Variants in CCDC172 observed in about 807,000 individuals in gnomAD.
CCDC172 encodes coiled-coil domain-containing protein 172.
In CCDC172, 30 loss-of-function variants were observed where a neutral mutation model predicts 38.0. The ratio of observed to expected loss-of-function variants is 0.79; its 90% CI spans 0.59 to 1.07. The LOEUF is 1.07. CCDC172 is among the 50% of genes least tolerant of loss of function. The probability of loss-of-function intolerance (pLI) is 0.00; values close to 1 mark genes in which losing one functional copy is unlikely to be tolerated. For synonymous variants in CCDC172, 78 were observed against 88.3 expected (o/e 0.88, Z 0.66); for missense variants, 297 against 290.1 (o/e 1.02, Z -0.17).
chr10:116,332,007 A>G (rs1228338787), intron 3 of CCDC172, among the ~76,000 whole-genome samples: 2 of 152,172 alleles, frequency 1.3e-5, no homozygotes, highest in Non-Finnish European at 2.9e-5. Context: ...TTTTTTATCC[A>G]TCTTTCGTAA....
intron 5 of CCDC172, among the ~76,000 whole-genome samples, chr10:116,347,767 A>T (rs1844884811): frequency 6.6e-6 from 1 of 152,172 alleles, no homozygotes; most frequent in African/African-American, 2.4e-5. Context: ...AAACAAAGAC[A>T]AAATTGTCAT....
At chr10:116,377,226 A>T (rs1337244028) in intron 7 of CCDC172, among the ~76,000 whole-genome samples, 2 of 152,172 alleles carry the variant, frequency 1.3e-5, no homozygotes, top group Non-Finnish European at 2.9e-5. Context: ...TTCTAGAATC[A>T]TTTCAAAATT....
intron 5 of CCDC172, among the ~76,000 whole-genome samples, chr10:116,356,231 G>T (rs987635516): frequency 4.6e-5 from 7 of 152,034 alleles, no homozygotes; most frequent in African/African-American, 1.7e-4. Context: ...TTAGGAGGCT[G>T]AGGCAGGAGA....
At chr10:116,330,612 G>A (rs1033150286) in intron 3 of CCDC172, among the ~76,000 whole-genome samples, 1 of 150,590 alleles carries the variant, frequency 6.6e-6, no homozygotes, top group African/African-American at 2.5e-5. Context: ...AGAAGAATAT[G>A]CACAATCATT....
At chr10:116,366,242 T>C (rs941895022) in intron 7 of CCDC172, among the ~76,000 whole-genome samples, 1 of 152,172 alleles carries the variant, frequency 6.6e-6, no homozygotes, top group Non-Finnish European at 1.5e-5. Context: ...TACCGATAAC[T>C]TGCATTAGCT....
rs1245721464 is a variant in CCDC172 at position 116,324,608 on chromosome 10, G to C, written c.-71G>C. On this transcript the variant is annotated 5_prime_UTR_variant, in exon 1 of 9. Coordinates refer to ENST00000333254, the MANE Select transcript of CCDC172 (RefSeq NM_198515.3). ...GGCTGCTGCCCAGACGCCCTCAAAAGCCAAGGTCTTGGCAGCCTTTTTATT... is the reference window on the plus strand; with the variant it reads ...GGCTGCTGCCCAGACGCCCTCAAAACCCAAGGTCTTGGCAGCCTTTTTATT... 2.3e-5 allele frequency: 4 copies of C among 171,640 alleles called. No individual in the cohort carries two copies. Among genetic ancestry groups the C allele is most frequent in the Non-Finnish European group, 5.0e-5 (4 of 80,458 alleles). 10.6% of individuals were successfully genotyped at this position (171,640 alleles called of 1,614,324 possible). A position where few individuals can be genotyped will look rare whatever the true frequency, so the allele number is the denominator to read the frequency against.
At chr10:116,364,537 A>C (rs566295264) in intron 7 of CCDC172, among the ~76,000 whole-genome samples, 10 of 152,252 alleles carry the variant, frequency 6.6e-5, no homozygotes, top group Non-Finnish European at 1.5e-4. Context: ...TAAAAAAAAA[A>C]CTGAAATGCC....
intron 7 of CCDC172, among the ~76,000 whole-genome samples, chr10:116,368,805 T>A (rs1330688085): frequency 6.6e-6 from 1 of 152,044 alleles, no homozygotes; most frequent in African/African-American, 2.4e-5. Context: ...TTACCATTTT[T>A]AAATGGTAAA....
intron 7 of CCDC172, among the ~76,000 whole-genome samples, chr10:116,359,829 T>C (rs894970107): frequency 6.6e-6 from 1 of 152,222 alleles, no homozygotes; most frequent in Non-Finnish European, 1.5e-5. Flanking sequence ...TTGTCTATAT[T>C]GAAATTCTTT....
chr10:116,350,224 A>T (rs903390662), intron 5 of CCDC172, among the ~76,000 whole-genome samples: 1 of 152,214 alleles, frequency 6.6e-6, no homozygotes, highest in South Asian at 2.1e-4. Flanking sequence ...TTTGAATAGG[A>T]TTACTTTGAC....
chr10:116,338,069 C>T (rs1439023760), intron 3 of CCDC172, among the ~76,000 whole-genome samples: 1 of 152,102 alleles, frequency 6.6e-6, no homozygotes, highest in African/African-American at 2.4e-5. Context: ...TTTTTGTTTC[C>T]TTAGTTCCAC....
At chr10:116,343,324 A>T (rs1215417157) in intron 5 of CCDC172, among the ~76,000 whole-genome samples, 1 of 152,124 alleles carries the variant, frequency 6.6e-6, no homozygotes, top group Non-Finnish European at 1.5e-5. Context: ...TAGGCATAGG[A>T]TAATCACTAG....
intron 7 of CCDC172, among the ~76,000 whole-genome samples, chr10:116,367,779 ACTTTT>A (rs1845141014): frequency 6.6e-6 from 1 of 151,978 alleles, no homozygotes; most frequent in Admixed American, 6.6e-5. Flanking sequence ...CATTATAGCT[ACTTTT>A]CTTCTTTCTT....
At chr10:116,366,241 C>G (rs907689672) in intron 7 of CCDC172, among the ~76,000 whole-genome samples, 2 of 152,084 alleles carry the variant, frequency 1.3e-5, no homozygotes, top group African/African-American at 4.8e-5. Flanking sequence ...TTACCGATAA[C>G]TTGCATTAGC....
chr10:116,345,987 G>T (rs1375002825), intron 5 of CCDC172, among the ~76,000 whole-genome samples: 1 of 152,108 alleles, frequency 6.6e-6, no homozygotes, highest in Non-Finnish European at 1.5e-5. Flanking sequence ...TAACGTTTTG[G>T]CAGTTTTATT....
chr10:116,376,154 A>G (rs540233560), intron 7 of CCDC172, among the ~76,000 whole-genome samples: 124 of 152,344 alleles, frequency 8.1e-4, no homozygotes, highest in Non-Finnish European at 1.5e-3. Flanking sequence ...GCATTTGGAT[A>G]AAGAAAATGT....
chr10:116,371,149 C>T (rs1313369524), intron 7 of CCDC172, among the ~76,000 whole-genome samples: 4 of 151,688 alleles, frequency 2.6e-5, no homozygotes, highest in Admixed American at 1.3e-4. Context: ...TAGTGTTTCC[C>T]CAGCAATAAT....
At chr10:116,341,503 C>T (rs1373872280) in intron 4 of CCDC172, among the ~76,000 whole-genome samples, 2 of 151,948 alleles carry the variant, frequency 1.3e-5, no homozygotes, top group Non-Finnish European at 2.9e-5. Flanking sequence ...ATTCTTATTT[C>T]TCTGCCATGT....
At chr10:116,337,499 G>T (rs1844746124) in intron 3 of CCDC172, among the ~76,000 whole-genome samples, 1 of 152,066 alleles carries the variant, frequency 6.6e-6, no homozygotes, top group Non-Finnish European at 1.5e-5. Context: ...CTAGTAGGAG[G>T]ACAGATAGAA....
Sources: allele counts gnomAD v4.1 joint callset (sites outside exome capture counted in the v4.1 genomes callset), GRCh38; gene constraint gnomAD v4.1.1; transcripts MANE v1.5; gene names NCBI Gene and HGNC (gene_info 2026-07-23, HGNC 2026-07-21).